The following ESRRG variants were observed in gnomAD, a reference collection of about 807,000 sequenced individuals.
The protein encoded by ESRRG is estrogen-related receptor gamma.
A neutral mutation model predicts 44.0 loss-of-function variants in ESRRG; 13 were observed. That is an observed-to-expected ratio of 0.30 (90% CI 0.19 to 0.47). The LOEUF is 0.47. Among genes scored for constraint, ESRRG ranks in the 20% least tolerant of loss-of-function variants. The pLI, the probability that ESRRG is intolerant of heterozygous loss-of-function variation, is 1.00. For missense variants in ESRRG, 395 were observed against 580.6 expected (o/e 0.68, Z 3.29); for synonymous variants, 215 against 214.6 (o/e 1.00, Z -0.02).
chr1:216,763,849 G>T (rs1461771507), intron 2 of ESRRG, among the ~76,000 whole-genome samples: 2 of 152,008 alleles, frequency 1.3e-5, no homozygotes, highest in African/African-American at 4.8e-5. Flanking sequence ...AATAATAATG[G>T]CCTATGTAGG....
chr1:216,538,634 T>A (rs1201343002), intron 5 of ESRRG, among the ~76,000 whole-genome samples: 3 of 151,972 alleles, frequency 2.0e-5, no homozygotes, highest in African/African-American at 4.8e-5. Context: ...ATCCCCTAGT[T>A]TAAAAAGAAC....
At chr1:216,656,165 T>G (rs1442501282) in intron 2 of ESRRG, among the ~76,000 whole-genome samples, 3 of 152,164 alleles carry the variant, frequency 2.0e-5, no homozygotes, top group African/African-American at 7.2e-5. Flanking sequence ...AAGTTATTGT[T>G]CACAGCATAG....
At chr1:216,758,240 T>C (rs2092573205) in intron 2 of ESRRG, among the ~76,000 whole-genome samples, 1 of 152,108 alleles carries the variant, frequency 6.6e-6, no homozygotes, top group South Asian at 2.1e-4. Flanking sequence ...TTTCAGTCTC[T>C]TGTGGGCTTC....
At chr1:216,914,800 G>A (rs1298650572) in intron 2 of ESRRG, among the ~76,000 whole-genome samples, 2 of 152,094 alleles carry the variant, frequency 1.3e-5, no homozygotes, top group African/African-American at 4.8e-5. Flanking sequence ...TGAAGCACTG[G>A]CCACCATAAC....
At chr1:216,873,069 G>T (rs1004609446) in intron 2 of ESRRG, among the ~76,000 whole-genome samples, 1 of 152,100 alleles carries the variant, frequency 6.6e-6, no homozygotes, top group Non-Finnish European at 1.5e-5. Context: ...GATTTTTCCT[G>T]TGTGTGCACC....
At chr1:216,807,061 G>T (rs2094815629) in intron 2 of ESRRG, among the ~76,000 whole-genome samples, 1 of 152,108 alleles carries the variant, frequency 6.6e-6, no homozygotes, top group South Asian at 2.1e-4. Context: ...GAGCTTTAAT[G>T]CATTCTGGGA....
chr1:216,623,056 T>A (rs1177086633), intron 3 of ESRRG, among the ~76,000 whole-genome samples: 1 of 150,218 alleles, frequency 6.7e-6, no homozygotes, highest in African/African-American at 2.4e-5. Flanking sequence ...ACTAAAACTG[T>A]CATCAGCTGA....
chr1:216,919,258 T>C (rs1158274372), intron 2 of ESRRG, among the ~76,000 whole-genome samples: 4 of 152,192 alleles, frequency 2.6e-5, no homozygotes, highest in African/African-American at 9.6e-5. Flanking sequence ...GGTTTGCTAA[T>C]TCCAAGTCAC....
chr1:216,851,887 G>C (rs2095848295), intron 2 of ESRRG, among the ~76,000 whole-genome samples: 1 of 151,948 alleles, frequency 6.6e-6, no homozygotes, highest in Admixed American at 6.6e-5. Context: ...ACCCAAGTGG[G>C]GCCACACTGA....
chr1:216,569,272 G>C (rs2060350941), intron 3 of ESRRG, among the ~76,000 whole-genome samples: 1 of 148,758 alleles, frequency 6.7e-6, no homozygotes, highest in Non-Finnish European at 1.5e-5. Context: ...AGGAAGGAAA[G>C]AAGGAAGGAA....
At chr1:217,025,660 C>T (rs1166322688) in intron 1 of ESRRG, among the ~76,000 whole-genome samples, 1 of 152,152 alleles carries the variant, frequency 6.6e-6, no homozygotes, top group Non-Finnish European at 1.5e-5. Flanking sequence ...TTGTCTTTGG[C>T]CAAACCCTTA....
intron 2 of ESRRG, among the ~76,000 whole-genome samples, chr1:216,880,872 A>G (rs2096435449): frequency 6.6e-6 from 1 of 152,192 alleles, no homozygotes; most frequent in South Asian, 2.1e-4. Flanking sequence ...CAAAGATAAA[A>G]AGCATTGCTG....
chr1:217,008,375 A>G (rs1281428182), intron 1 of ESRRG, among the ~76,000 whole-genome samples: 1 of 152,246 alleles, frequency 6.6e-6, no homozygotes, highest in Non-Finnish European at 1.5e-5. Context: ...ATGCTCAACG[A>G]AAGTATAATC....
intron 1 of ESRRG, among the ~76,000 whole-genome samples, chr1:217,031,267 T>C (rs111951535): frequency 0.012 from 1,789 of 152,320 alleles, 17 homozygotes; most frequent in Middle Eastern, 0.041. Flanking sequence ...AGAGTTCGGG[T>C]ACTACAGTAA....
intron 2 of ESRRG, among the ~76,000 whole-genome samples, chr1:216,656,062 T>G (rs776088138): frequency 2.0e-4 from 30 of 152,160 alleles, no homozygotes; most frequent in Non-Finnish European, 3.7e-4. Flanking sequence ...TTTCCTTCCA[T>G]TCTCTAAAAG....
chr1:216,886,017 C>T (rs2096512187), intron 2 of ESRRG, among the ~76,000 whole-genome samples: 1 of 151,944 alleles, frequency 6.6e-6, no homozygotes, highest in Non-Finnish European at 1.5e-5. Flanking sequence ...ATTTGACCTT[C>T]CAATTGATGT....
At chr1:217,078,818 G>A (rs977041708) in intron 1 of ESRRG, among the ~76,000 whole-genome samples, 1 of 152,162 alleles carries the variant, frequency 6.6e-6, no homozygotes, top group African/African-American at 2.4e-5. Context: ...AATAATGTAA[G>A]ATCGGGTAGT....
intron 1 of ESRRG, among the ~76,000 whole-genome samples, chr1:217,017,497 A>G (rs1579550424): frequency 6.6e-6 from 1 of 151,246 alleles, no homozygotes; most frequent in South Asian, 2.1e-4. Context: ...AAAAAAAAAA[A>G]AGGAGAAAAC....
At position 216,912,763 on chromosome 1, in the gene ESRRG, T is replaced by C. The variant is rs189995920; in HGVS notation, c.-14+26819A>G. ...TACATTATACACACAATTACATATA[T>C]ATACACACAGTCAGCCTTCTATATC... On this transcript the variant is annotated intron_variant, in intron 2 of 7. Transcript: ENST00000359162. 2.0e-4 allele frequency among the ~76,000 whole-genome samples: 30 copies of C among 152,278 alleles called. No homozygotes were observed. In the East Asian group the frequency reaches 5.4e-3, roughly 27 times the overall value.
Sources: gnomAD v4.1 joint callset for allele counts (sites outside exome capture counted in the v4.1 genomes callset) on GRCh38, gnomAD v4.1.1 for gene constraint, MANE v1.5 for transcripts, NCBI Gene and HGNC (gene_info 2026-07-23, HGNC 2026-07-21) for gene names.